Variants in BMPR1B observed in about 807,000 individuals in gnomAD.
BMPR1B encodes bone morphogenetic protein receptor type-1B.
A neutral mutation model predicts 59.1 loss-of-function variants in BMPR1B; 12 were observed. The observed-to-expected ratio is 0.20, with a 90% CI of 0.13 to 0.33. The LOEUF (loss-of-function observed/expected upper bound fraction) is 0.33, where lower values mean the gene tolerates loss of function less well. BMPR1B is among the 10% of genes least tolerant of loss of function. The pLI, the probability that BMPR1B is intolerant of heterozygous loss-of-function variation, is 1.00. For synonymous variants in BMPR1B, 237 were observed against 207.3 expected, an observed-to-expected ratio of 1.14 and a Z score of -1.23; for missense variants, 550 against 610.9, an observed-to-expected ratio of 0.90 and a Z score of 1.05.
intron 3 of BMPR1B, among the ~76,000 whole-genome samples, chr4:95,029,933 C>CAT (rs1724703290): frequency 6.6e-6 from 1 of 152,076 alleles, no homozygotes. Context: ...AGTGTCTGTT[C>CAT]ATATCCTTTG....
At position 95,139,349 on chromosome 4, in the gene BMPR1B, C is replaced by A. The variant is rs7673665; in HGVS notation, c.1076+7837C>A. On this transcript the variant is annotated intron_variant, in intron 10 of 12. Transcript: ENST00000515059. Reference sequence around the variant, plus strand: ...TACTGGGAGGTGCCTCCCAGTTAGGCTACTCAGGAGTCAGGGACCCACTGG... The same window carrying A: ...TACTGGGAGGTGCCTCCCAGTTAGGATACTCAGGAGTCAGGGACCCACTGG... Among the ~76,000 whole-genome samples, 1,218 of 152,274 alleles carry A rather than the reference C, an allele frequency of 8.0e-3. 15 individuals are homozygous for A. The highest frequency in any genetic ancestry group is 0.027 in the African/African-American group (1,107 of 41,556).
chr4:94,772,619 A>G (rs572570386), intron 1 of BMPR1B, among the ~76,000 whole-genome samples: 11 of 152,354 alleles, frequency 7.2e-5, no homozygotes, highest in Non-Finnish European at 1.3e-4. Flanking sequence ...GCAAAAATGT[A>G]ATAAGATATA....
At chr4:94,765,844 G>A in intron 1 of BMPR1B, among the ~76,000 whole-genome samples, 1 of 152,180 alleles carries the variant, frequency 6.6e-6, no homozygotes, top group East Asian at 1.9e-4. Context: ...CAGCCCAAGA[G>A]GGATCTTATG....
intron 8 of BMPR1B, among the ~76,000 whole-genome samples, 185 bp from the exon 9 acceptor site, chr4:95,129,671 ACTCAAT>A (rs1460622841): frequency 2.0e-5 from 3 of 152,146 alleles, no homozygotes; most frequent in Non-Finnish European, 2.9e-5. Flanking sequence ...CAGAATCCAC[ACTCAAT>A]CTCAAATATG....
At chr4:95,111,707 A>C (rs765377554) in intron 4 of BMPR1B, among the ~76,000 whole-genome samples, 35 of 152,090 alleles carry the variant, frequency 2.3e-4, no homozygotes, top group Non-Finnish European at 5.0e-4. Context: ...GGGCACACTG[A>C]AAATCTCTTG....
rs1372658905 is a variant in BMPR1B at position 94,774,001 on chromosome 4, A to T, written c.-183+15933A>T. Reference sequence around the variant, plus strand: ...CTTGAAAATGTCTGGGAAACCTGATACGTGCTTATTATTTTCAGGTTGATT... The same window carrying T: ...CTTGAAAATGTCTGGGAAACCTGATTCGTGCTTATTATTTTCAGGTTGATT... On this transcript the variant is annotated intron_variant, in intron 1 of 12. Transcript: ENST00000515059. Among the ~76,000 whole-genome samples the T allele has an allele frequency of 2.0e-5, 3 of 152,062 alleles. No individual in the cohort carries two copies. In the East Asian group the frequency reaches 5.8e-4, roughly 29 times the overall value.
Position 95,015,697 on chromosome 4 carries a change from A to ATTTTTTTTT in BMPR1B, c.-18+19569_-18+19577dup, listed in dbSNP as rs36121172. ...ATCACCATGCCTAGCCTGGAACATC[A>ATTTTTTTTT]TTTTTTTTTTTTTTGAGACAGAGTC... On this transcript the variant is annotated intron_variant, in intron 3 of 12. Transcript: ENST00000515059. Among the ~76,000 whole-genome samples, 3 of 145,058 alleles carry ATTTTTTTTT rather than the reference A, an allele frequency of 2.1e-5. No homozygotes were observed. In the South Asian group the frequency reaches 6.6e-4, roughly 32 times the overall value.
chr4:95,044,308 T>TC (rs1361765689), intron 3 of BMPR1B, among the ~76,000 whole-genome samples: 2 of 152,172 alleles, frequency 1.3e-5, no homozygotes, highest in Non-Finnish European at 2.9e-5. Context: ...TGTCTTGGAC[T>TC]CCCCCTTCCT....
At chr4:95,017,581 G>GT (rs1227125606) in intron 3 of BMPR1B, among the ~76,000 whole-genome samples, 1 of 152,198 alleles carries the variant, frequency 6.6e-6, no homozygotes, top group African/African-American at 2.4e-5. Context: ...AATGTTTGAG[G>GT]TGTTTCCTAG....
chr4:95,034,817 A>G (rs759935152), intron 3 of BMPR1B, among the ~76,000 whole-genome samples: 5 of 152,126 alleles, frequency 3.3e-5, no homozygotes, highest in Non-Finnish European at 4.4e-5. Context: ...GCTGGATCAA[A>G]TGGTAGTTCT....
At chr4:94,860,107 G>A (rs28403938) in intron 1 of BMPR1B, among the ~76,000 whole-genome samples, 1 of 151,772 alleles carries the variant, frequency 6.6e-6, no homozygotes, top group East Asian at 1.9e-4. Context: ...TCCTTAACGC[G>A]TCCCTAAACT....
At chr4:94,931,799 C>T (rs1729102261) in intron 2 of BMPR1B, among the ~76,000 whole-genome samples, 1 of 151,980 alleles carries the variant, frequency 6.6e-6, no homozygotes, top group East Asian at 1.9e-4. Context: ...AGCAGAGTAC[C>T]CTGTCTCATC....
At chr4:94,763,304 GTC>G (rs1357681755) in intron 1 of BMPR1B, among the ~76,000 whole-genome samples, 1 of 152,194 alleles carries the variant, frequency 6.6e-6, no homozygotes, top group African/African-American at 2.4e-5. Flanking sequence ...TCATTATAAA[GTC>G]TGCATTGTTA....
intron 3 of BMPR1B, among the ~76,000 whole-genome samples, chr4:95,089,439 G>A (rs1258811264): frequency 6.6e-6 from 1 of 152,078 alleles, no homozygotes; most frequent in Admixed American, 6.5e-5. Flanking sequence ...TGGCATAAAT[G>A]AGAAGATATG....
chr4:95,133,723 C>T (rs1341827726), intron 10 of BMPR1B, among the ~76,000 whole-genome samples: 4 of 151,960 alleles, frequency 2.6e-5, no homozygotes, highest in Non-Finnish European at 4.4e-5. Flanking sequence ...AGGCATGTGC[C>T]ACCATGCCTG....
intron 2 of BMPR1B, among the ~76,000 whole-genome samples, chr4:94,896,065 G>T (rs1385209126): frequency 6.6e-6 from 1 of 151,930 alleles, no homozygotes; most frequent in Non-Finnish European, 1.5e-5. Context: ...TACTTCTACA[G>T]ATTTATTTTT....
At position 95,114,712 on chromosome 4, in the gene BMPR1B, A is replaced by T. The variant is rs1225999540; in HGVS notation, c.144-8A>T. On this transcript the variant is annotated splice_polypyrimidine_tract_variant and splice_region_variant and intron_variant, in intron 4 of 12. Transcript: ENST00000515059. ...TTCTGTTTCTCACTTTGCTTGTTTG[A>T]TCTTCAGCACAGACGGATATTGTTT... 1.9e-6 allele frequency: 3 copies of T among 1,610,016 alleles called. No homozygotes were observed. The East Asian group carries it at 6.7e-5, about 36-fold the overall frequency.
chr4:94,793,164 C>A (rs1271855817), intron 1 of BMPR1B, among the ~76,000 whole-genome samples: 1 of 152,064 alleles, frequency 6.6e-6, no homozygotes, highest in Non-Finnish European at 1.5e-5. Flanking sequence ...CTATCCCTCC[C>A]CCCTTCCCCC....
chr4:95,024,715 C>A (rs1724233236), intron 3 of BMPR1B, among the ~76,000 whole-genome samples: 1 of 152,004 alleles, frequency 6.6e-6, no homozygotes, highest in Non-Finnish European at 1.5e-5. Flanking sequence ...GACCATTAAG[C>A]CAGATCAAGA....
Sources: allele counts gnomAD v4.1 joint callset (sites outside exome capture counted in the v4.1 genomes callset), GRCh38; gene constraint gnomAD v4.1.1; transcripts MANE v1.5; gene names NCBI Gene and HGNC (gene_info 2026-07-23, HGNC 2026-07-21).